DOCK4: variants seen among roughly 807,000 people sequenced by gnomAD.
DOCK4 encodes the protein dedicator of cytokinesis 4, also known as dedicator of cytokinesis protein 4.
DOCK4 carries 97 observed loss-of-function variants against 268.1 expected under a neutral mutation model. The observed-to-expected ratio is 0.36, with a 90% CI of 0.31 to 0.43. The LOEUF is 0.43. DOCK4 is among the 20% of genes least tolerant of loss of function. The pLI is 1.00. For missense variants in DOCK4, 2,145 were observed against 2,455.7 expected (o/e 0.87, Z 2.67); for synonymous variants, 954 against 887.2 (o/e 1.08, Z -1.34).
chr7:112,159,567 T>G (rs922138108), intron 1 of DOCK4, among the ~76,000 whole-genome samples: 2 of 152,132 alleles, frequency 1.3e-5, no homozygotes, highest in Non-Finnish European at 2.9e-5. Context: ...TACTTCCGTA[T>G]TTCTTTTGCT....
chr7:112,195,295 A>G (rs1477110270), intron 1 of DOCK4, among the ~76,000 whole-genome samples: 2 of 152,200 alleles, frequency 1.3e-5, no homozygotes, highest in Non-Finnish European at 2.9e-5. Context: ...TAAACAAACT[A>G]GCAAACAAAC....
chr7:111,980,051 G>C (rs1798493477), intron 7 of DOCK4, among the ~76,000 whole-genome samples: 1 of 152,182 alleles, frequency 6.6e-6, no homozygotes, highest in South Asian at 2.1e-4. Context: ...ATCATGTGCA[G>C]ACAGATGCAA....
At chr7:112,045,951 A>T (rs1465628939) in intron 1 of DOCK4, among the ~76,000 whole-genome samples, 2 of 152,240 alleles carry the variant, frequency 1.3e-5, no homozygotes, top group African/African-American at 4.8e-5. Flanking sequence ...GTACATTTTT[A>T]ATGGAGTGGA....
chr7:112,101,828 CTTTTCT>C (rs570814667), intron 1 of DOCK4, among the ~76,000 whole-genome samples: 3 of 137,300 alleles, frequency 2.2e-5, no homozygotes, highest in South Asian at 2.3e-4. Flanking sequence ...GTTCTGAGAC[CTTTTCT>C]TTTTCTTTTT....
At chr7:111,998,902 A>T (rs1263559838) in intron 3 of DOCK4, among the ~76,000 whole-genome samples, 1 of 151,918 alleles carries the variant, frequency 6.6e-6, no homozygotes, top group African/African-American at 2.4e-5. Context: ...TTTTCTCCCC[A>T]AAACATTCAT....
At chr7:112,028,513 C>T (rs1318390622) in intron 1 of DOCK4, among the ~76,000 whole-genome samples, 1 of 152,202 alleles carries the variant, frequency 6.6e-6, no homozygotes, top group Admixed American at 6.5e-5. Context: ...AAAGGTTTAT[C>T]AGCCCAATGA....
intron 8 of DOCK4, 28 bp downstream of exon 8, chr7:111,977,104 T>C (rs1798262523): frequency 6.2e-7 from 1 of 1,611,340 alleles, no homozygotes; most frequent in East Asian, 2.2e-5. Flanking sequence ...CATTAAGACA[T>C]TGAAACCCTA....
Position 111,765,186 on chromosome 7 carries a change from G to T in DOCK4, c.3952C>A (p.Gln1318Lys). The T allele has an allele frequency of 6.4e-7, 1 of 1,554,542 alleles. No homozygotes were observed. The highest frequency in any genetic ancestry group is 2.3e-5 in the East Asian group (1 of 42,648). ...EASLYDKIMD[Q>K]QRLEPEFFRV... ...AAGAACTCTGGTTCAAGACGTTGCT[G>T]GTCCATAATTTTGTCATACAAAGAG... The change falls in exon 39 of 53, where the codon CAG becomes AAG. Residue 1318 changes from glutamine (Q) to lysine (K), a missense_variant. Gln to Lys is a moderately conservative substitution (Grantham distance 53, BLOSUM62 1). This residue lies in a region of DOCK4 where 1,598 missense variants were observed against 1,986.7 expected (regional missense o/e 0.80). Coordinates refer to ENST00000428084, the MANE Select transcript of DOCK4 (RefSeq NM_001363540.2).
chr7:112,021,989 TTAA>T (rs1802361726), intron 1 of DOCK4, among the ~76,000 whole-genome samples: 1 of 152,198 alleles, frequency 6.6e-6, no homozygotes, highest in African/African-American at 2.4e-5. Context: ...ATGCTTCCGA[TTAA>T]TGTCAAAATT....
intron 10 of DOCK4, among the ~76,000 whole-genome samples, chr7:111,944,432 T>C (rs549077381): frequency 4.6e-5 from 7 of 152,328 alleles, no homozygotes; most frequent in African/African-American, 1.7e-4. Flanking sequence ...TGCCAATTTA[T>C]ACAGAGCCTT....
At chr7:111,831,589 A>T (rs1802815119) in intron 26 of DOCK4, among the ~76,000 whole-genome samples, 1 of 151,488 alleles carries the variant, frequency 6.6e-6, no homozygotes, top group African/African-American at 2.4e-5. Flanking sequence ...GGCTGAAGCG[A>T]TACTCCCATC....
intron 1 of DOCK4, among the ~76,000 whole-genome samples, chr7:112,144,516 G>T (rs1815252520): frequency 6.6e-6 from 1 of 152,158 alleles, no homozygotes; most frequent in Admixed American, 6.5e-5. Flanking sequence ...TCCTACATTT[G>T]CCCAGGCAGA....
chr7:112,185,525 G>A (rs1204061940), intron 1 of DOCK4, among the ~76,000 whole-genome samples: 1 of 151,700 alleles, frequency 6.6e-6, no homozygotes, highest in Non-Finnish European at 1.5e-5. Context: ...GGAAAGGGAT[G>A]ACTTAAGCAT....
chr7:112,005,580 C>T (rs1207060803), intron 1 of DOCK4, among the ~76,000 whole-genome samples: 6 of 152,202 alleles, frequency 3.9e-5, no homozygotes, highest in Non-Finnish European at 8.8e-5. Flanking sequence ...CTTCATTTAA[C>T]TTTCAGAGAC....
chr7:111,797,859 G>C (rs903752628), intron 30 of DOCK4, among the ~76,000 whole-genome samples: 8 of 152,040 alleles, frequency 5.3e-5, no homozygotes, highest in Non-Finnish European at 8.8e-5. Flanking sequence ...TCAAGGGATG[G>C]CTCATTCTAA....
At chr7:112,047,152 C>A (rs1345711726) in intron 1 of DOCK4, among the ~76,000 whole-genome samples, 1 of 152,100 alleles carries the variant, frequency 6.6e-6, no homozygotes, top group Admixed American at 6.5e-5. Context: ...AAAAGTTTGC[C>A]TCAGTTTTAA....
chr7:111,886,952 A>G (rs1807900342), intron 16 of DOCK4, among the ~76,000 whole-genome samples: 7 of 152,232 alleles, frequency 4.6e-5, no homozygotes, highest in Admixed American at 4.6e-4. Flanking sequence ...GCTAAAAAAA[A>G]GTACGGGCAT....
chr7:112,051,353 G>A (rs1381647498), intron 1 of DOCK4, among the ~76,000 whole-genome samples: 1 of 151,944 alleles, frequency 6.6e-6, no homozygotes, highest in Non-Finnish European at 1.5e-5. Context: ...GGGTAGGTTT[G>A]GTGGCACCAG....
At chr7:111,969,298 C>G (rs1369978416) in intron 8 of DOCK4, among the ~76,000 whole-genome samples, 1 of 150,706 alleles carries the variant, frequency 6.6e-6, no homozygotes, top group Non-Finnish European at 1.5e-5. Flanking sequence ...CTCCAGCTTC[C>G]AATTCTGTAT....
Sources: allele counts gnomAD v4.1 joint callset (sites outside exome capture counted in the v4.1 genomes callset), GRCh38; gene constraint gnomAD v4.1.1; regional missense constraint gnomAD v4.1.1; transcripts MANE v1.5; gene names NCBI Gene and HGNC (gene_info 2026-07-23, HGNC 2026-07-21).